TULP4: variants seen among roughly 807,000 people sequenced by gnomAD.
The protein encoded by TULP4 is tubby-related protein 4.
In TULP4, 16 loss-of-function variants were observed where a neutral mutation model predicts 129.0. The ratio of observed to expected loss-of-function variants is 0.12; its 90% CI spans 0.08 to 0.19. The LOEUF is 0.19. TULP4 is among the 10% of genes least tolerant of loss of function. The pLI is 1.00. For missense variants in TULP4, 1,842 were observed against 2,059.1 expected (o/e 0.89, Z 2.04); for synonymous variants, 998 against 854.0 (o/e 1.17, Z -2.94).
intron 1 of TULP4, among the ~76,000 whole-genome samples, chr6:158,243,365 C>A (rs1777962697): frequency 6.6e-6 from 1 of 151,954 alleles, no homozygotes; most frequent in Non-Finnish European, 1.5e-5. Context: ...GATATCCAAT[C>A]AATACTCCTT....
rs187653767 is a variant in TULP4, at chr6:158,291,121, A to T, written n.116+8743A>T. Among the ~76,000 whole-genome samples the T allele has an allele frequency of 1.6e-3, 238 of 152,348 alleles. 2 individuals carry two copies. The highest frequency in any genetic ancestry group is 5.1e-3 in the African/African-American group (213 of 41,580). On this transcript the variant is annotated intron_variant and non_coding_transcript_variant, in intron 1 of 1. Transcript: ENST00000432358. ...TGCTTTATTGTTCTGTTTTGAACAGACATTGTTTAATTTTACCTACATATT... is the reference window on the plus strand; with the variant it reads ...TGCTTTATTGTTCTGTTTTGAACAGTCATTGTTTAATTTTACCTACATATT...
chr6:158,326,518 T>C (rs1001768775), intron 1 of TULP4, among the ~76,000 whole-genome samples: 3 of 152,252 alleles, frequency 2.0e-5, no homozygotes, highest in African/African-American at 7.2e-5. Flanking sequence ...ATTTTTTTGG[T>C]TAAACTCCTT....
chr6:158,344,774 A>G (rs1780263278), intron 1 of TULP4, among the ~76,000 whole-genome samples: 1 of 152,216 alleles, frequency 6.6e-6, no homozygotes, highest in Non-Finnish European at 1.5e-5. Flanking sequence ...TGAAAGGAAG[A>G]ATCACAGGTC....
intron 5 of TULP4, among the ~76,000 whole-genome samples, chr6:158,455,785 C>T (rs918392564): frequency 6.6e-6 from 1 of 151,980 alleles, no homozygotes; most frequent in Non-Finnish European, 1.5e-5. Flanking sequence ...CTGTGTCTTC[C>T]TAGTTTCAGA....
At chr6:158,467,094 C>T (rs1274384403) in intron 6 of TULP4, among the ~76,000 whole-genome samples, 2 of 152,134 alleles carry the variant, frequency 1.3e-5, no homozygotes, top group East Asian at 3.9e-4. Flanking sequence ...TAATGCTCCT[C>T]TTCCAGGTTG....
intron 1 of TULP4, among the ~76,000 whole-genome samples, chr6:158,329,093 A>G (rs990772892): frequency 3.3e-5 from 5 of 152,194 alleles, no homozygotes; most frequent in African/African-American, 1.2e-4. Context: ...AACTTCCAAA[A>G]CAAACACACC....
At chr6:158,242,408 G>A (rs1354854529) in intron 1 of TULP4, 2 of 1,355,754 alleles carry the variant, frequency 1.5e-6, no homozygotes, top group African/African-American at 1.4e-5. Flanking sequence ...AAGCATCGTG[G>A]GAGTTTCGGA....
At chr6:158,464,148 C>G (rs1779503763) in intron 6 of TULP4, among the ~76,000 whole-genome samples, 1 of 152,160 alleles carries the variant, frequency 6.6e-6, no homozygotes, top group African/African-American at 2.4e-5. Context: ...GCAACCATGG[C>G]CTAGGACACA....
chr6:158,348,945 T>TCTCCTCACCTCCCA (rs1562529624), intron 1 of TULP4, among the ~76,000 whole-genome samples: 8 of 13,434 alleles, frequency 6.0e-4, no homozygotes, highest in East Asian at 2.6e-3. Context: ...ACCTCCCAGA[T>TCTCCTCACCTCCCA]GAAGGGCGGC....
intron 3 of TULP4, among the ~76,000 whole-genome samples, chr6:158,430,106 T>A (rs961197110): frequency 6.6e-6 from 1 of 152,206 alleles, no homozygotes; most frequent in Non-Finnish European, 1.5e-5. Flanking sequence ...TATGGTAACA[T>A]TAAGTTAACA....
rs1301165821 is a variant in TULP4, at chr6:158,240,721, G to A, written n.68+8418G>A. Among the ~76,000 whole-genome samples the A allele has an allele frequency of 4.7e-5, 6 of 127,186 alleles. No homozygotes were observed. The South Asian group carries it at 1.0e-3, about 22-fold the overall frequency. 83.4% of individuals were successfully genotyped at this position (127,186 alleles called of 152,430 possible). A position where few individuals can be genotyped will look rare whatever the true frequency, so the allele number is the denominator to read the frequency against. ...GCTGACCCCCCCCACCTCCCTCCCG[G>A]ACGGGGCGGCTGGCCGGGCGGGGGG... On this transcript the variant is annotated intron_variant and non_coding_transcript_variant, in intron 1 of 1. Coordinates refer to the TULP4 transcript ENST00000620026.
intron 1 of TULP4, among the ~76,000 whole-genome samples, chr6:158,291,672 T>A (rs1373562711): frequency 6.6e-6 from 1 of 152,188 alleles, no homozygotes; most frequent in East Asian, 1.9e-4. Context: ...TAATTAGATT[T>A]GTCCTTTTTT....
upstream of TULP4, among the ~76,000 whole-genome samples, chr6:158,307,732 T>C (rs4709186): frequency 0.87 from 131,854 of 152,136 alleles, 57,509 homozygotes; most frequent in Admixed American, 0.92. Context: ...ACCCCCGCCT[T>C]GGCCTCCCAA....
chr6:158,454,011 C>A (rs1779228789), intron 5 of TULP4, among the ~76,000 whole-genome samples: 1 of 93,684 alleles, frequency 1.1e-5, no homozygotes, highest in South Asian at 4.0e-4. Flanking sequence ...ATCATACCTG[C>A]CTCTGCACCG....
chr6:158,446,884 A>T (rs779480609), intron 3 of TULP4, among the ~76,000 whole-genome samples: 1 of 152,132 alleles, frequency 6.6e-6, no homozygotes, highest in Non-Finnish European at 1.5e-5. Flanking sequence ...CGCTAATCCT[A>T]TCGTGGGCGC....
intron 3 of TULP4, among the ~76,000 whole-genome samples, chr6:158,438,910 G>A (rs947659364): frequency 7.2e-5 from 11 of 152,174 alleles, no homozygotes; most frequent in Admixed American, 2.0e-4. Context: ...AGTGGCTCAT[G>A]CCTGTAATCC....
chr6:158,234,724 T>C (rs778154860), intron 1 of TULP4, among the ~76,000 whole-genome samples: 1 of 152,232 alleles, frequency 6.6e-6, no homozygotes, highest in Non-Finnish European at 1.5e-5. Flanking sequence ...CTTACAGAAA[T>C]TGTACATTTG....
At chr6:158,299,075 C>T (rs749506576) in intron 1 of TULP4, among the ~76,000 whole-genome samples, 2 of 152,070 alleles carry the variant, frequency 1.3e-5, no homozygotes, top group Non-Finnish European at 2.9e-5. Context: ...ATGGCAATAG[C>T]CAATTTCCAA....
At chr6:158,460,119 C>T (rs1306158960) in intron 5 of TULP4, among the ~76,000 whole-genome samples, 1 of 152,204 alleles carries the variant, frequency 6.6e-6, no homozygotes, top group South Asian at 2.1e-4. Flanking sequence ...CAGCTAACTT[C>T]ATGAGAAAGT....
Sources: gnomAD v4.1 joint callset for allele counts (sites outside exome capture counted in the v4.1 genomes callset) on GRCh38, gnomAD v4.1.1 for gene constraint, MANE v1.5 for transcripts, NCBI Gene and HGNC (gene_info 2026-07-23, HGNC 2026-07-21) for gene names.